Variants in WDR47 observed in about 807,000 individuals in gnomAD.
The protein encoded by WDR47 is WD repeat domain 47, also known as WD repeat-containing protein 47.
Under a neutral mutation model 97.2 loss-of-function variants are expected in WDR47, and 32 were observed. That is an observed-to-expected ratio of 0.33 (90% CI 0.25 to 0.44). The LOEUF (loss-of-function observed/expected upper bound fraction) is 0.44, where lower values mean the gene tolerates loss of function less well. WDR47 is among the 20% of genes least tolerant of loss of function. The pLI is 1.00. For missense variants in WDR47, 782 were observed against 1,102.3 expected (o/e 0.71, Z 4.11); for synonymous variants, 375 against 373.5 (o/e 1.00, Z -0.05).
chr1:108,991,433 T>C, intron 8 of WDR47, 104 bp from the exon 9 acceptor site: 1 of 922,378 alleles, frequency 1.1e-6, no homozygotes, highest in Non-Finnish European at 1.7e-6. Context: ...CAAACAATCC[T>C]AGCTGACTCC....
At chr1:108,987,094 C>A in intron 9 of WDR47, 1 of 190,158 alleles carries the variant, frequency 5.3e-6, no homozygotes, top group South Asian at 1.3e-4. Context: ...ACCCATGTTT[C>A]TCTAAGCTTC....
intron 2 of WDR47, among the ~76,000 whole-genome samples, chr1:109,021,797 G>A (rs183930129): frequency 6.6e-6 from 1 of 151,992 alleles, no homozygotes; most frequent in East Asian, 1.9e-4. Flanking sequence ...AAAGTGCTGG[G>A]ATTACAGGCG....
intron 9 of WDR47, among the ~76,000 whole-genome samples, chr1:108,988,541 G>A (rs753454823): frequency 6.6e-5 from 10 of 151,836 alleles, no homozygotes; most frequent in Non-Finnish European, 8.8e-5. Context: ...AATTAGCCGG[G>A]TGTGGTGGCG....
chr1:109,006,946 T>C (rs946870328), intron 5 of WDR47, among the ~76,000 whole-genome samples: 1 of 150,176 alleles, frequency 6.7e-6, no homozygotes, highest in Non-Finnish European at 1.5e-5. Flanking sequence ...AAAAAAAAAA[T>C]TTTTTTTTTG....
At chr1:109,015,387 G>C (rs1319237086) in intron 3 of WDR47, among the ~76,000 whole-genome samples, 2 of 152,080 alleles carry the variant, frequency 1.3e-5, no homozygotes, top group Non-Finnish European at 2.9e-5. Flanking sequence ...GCAGTGGCAC[G>C]ATCTCGGCTC....
chr1:109,028,455 A>G, intron 1 of WDR47, among the ~76,000 whole-genome samples: 1 of 137,470 alleles, frequency 7.3e-6, no homozygotes, highest in Admixed American at 8.0e-5. Context: ...CAAGCAATCC[A>G]CCCGCCTCGA....
intron 9 of WDR47, among the ~76,000 whole-genome samples, chr1:108,987,660 G>A (rs1301605770): frequency 6.6e-6 from 1 of 151,792 alleles, no homozygotes; most frequent in Non-Finnish European, 1.5e-5. Flanking sequence ...TAGAGACAGG[G>A]TTTCACTGTG....
Position 108,971,702 on chromosome 1 carries a change from G to T in WDR47, c.2618-130C>A, listed in dbSNP as rs559166715. On this transcript the variant is annotated intron_variant, in intron 14 of 14. Coordinates refer to ENST00000369962, the MANE Select transcript of WDR47 (RefSeq NM_001142551.2). ...CTACATTAATATAATACATTGAAAG[G>T]TTTATACAGGGATAAATTACTACCT... is the stretch of plus-strand genomic sequence containing the variant. 3 of 989,778 alleles carry T rather than the reference G, an allele frequency of 3.0e-6. No individual in the cohort carries two copies. In the South Asian group the frequency reaches 5.6e-5, roughly 18 times the overall value. The allele number at this position is 989,778 out of a possible 1,614,324, so 61.3% of individuals were successfully genotyped here. A position where few individuals can be genotyped will look rare whatever the true frequency, so the allele number is the denominator to read the frequency against.
intron 14 of WDR47, among the ~76,000 whole-genome samples, chr1:108,972,043 C>T (rs1315326653): frequency 6.6e-6 from 1 of 152,096 alleles, no homozygotes; most frequent in South Asian, 2.1e-4. Context: ...AGACTAGTAT[C>T]CAAATAGTCA....
Position 109,011,708 on chromosome 1 carries a change from G to A in WDR47, c.338C>T (p.Thr113Ile). The A allele has an allele frequency of 1.3e-6, 2 of 1,571,062 alleles. No homozygotes were observed. The highest frequency in any genetic ancestry group is 2.3e-5 in the East Asian group (1 of 43,392). ...TAAACATTGCACAGCTTCTTGCATG[G>A]TAAATTCCAGCTGTAAGAAAAATAT... is the stretch of plus-strand genomic sequence containing the variant. ...AEDEPQHLEF[T>I]MQEAVQCLHA... The change falls in exon 5 of 15, where the codon ACC (threonine) becomes ATC (isoleucine). Residue 113 changes from threonine to isoleucine, a missense_variant. Coordinates refer to ENST00000369962, the MANE Select transcript of WDR47 (RefSeq NM_001142551.2).
intron 1 of WDR47, among the ~76,000 whole-genome samples, chr1:109,038,174 T>A (rs952243354): frequency 1.3e-5 from 2 of 152,088 alleles, no homozygotes; most frequent in Non-Finnish European, 1.5e-5. Context: ...GATGTTGACT[T>A]GTAAAATGAG....
chr1:108,996,021 A>T (rs554160679), intron 7 of WDR47, among the ~76,000 whole-genome samples, 184 bp from the exon 8 acceptor site: 2 of 152,268 alleles, frequency 1.3e-5, no homozygotes, highest in South Asian at 4.1e-4. Context: ...GAAGATCCAC[A>T]TTTTCCCATA....
At chr1:108,990,996 T>C (rs917546548) in intron 9 of WDR47, among the ~76,000 whole-genome samples, 1 of 151,650 alleles carries the variant, frequency 6.6e-6, no homozygotes, top group Non-Finnish European at 1.5e-5. Context: ...GTGGGGTTTT[T>C]TTTTGTTTTT....
intron 1 of WDR47, among the ~76,000 whole-genome samples, chr1:109,036,185 T>C (rs1571266469): frequency 6.6e-6 from 1 of 152,206 alleles, no homozygotes; most frequent in South Asian, 2.1e-4. Context: ...GTCTAATCGA[T>C]CCTTACAAAA....
chr1:108,975,604 G>C (rs753167658), intron 13 of WDR47, among the ~76,000 whole-genome samples: 6 of 151,490 alleles, frequency 4.0e-5, no homozygotes, highest in Admixed American at 1.3e-4. Flanking sequence ...CTGGGCGACA[G>C]AGCGAGACTC....
At chr1:109,013,949 A>G (rs1661223909) in intron 3 of WDR47, 24 bp from the exon 4 acceptor site, 1 of 1,542,348 alleles carries the variant, frequency 6.5e-7, no homozygotes, top group Non-Finnish European at 8.9e-7. Flanking sequence ...ATGAAGCATT[A>G]ATTTTTCCAA....
chr1:109,031,539 C>G lies in WDR47; in HGVS notation c.-9-8018G>C, dbSNP rs541613858. Among the ~76,000 whole-genome samples the G allele has an allele frequency of 2.2e-5, 3 of 138,638 alleles. 1 individual carries two copies. Among genetic ancestry groups the G allele is most frequent in the Non-Finnish European group, 4.8e-5 (3 of 62,504 alleles). The allele number at this position is 138,638 out of a possible 152,430, so 91.0% of individuals were successfully genotyped here. A position where few individuals can be genotyped will look rare whatever the true frequency, so the allele number is the denominator to read the frequency against. ...ATATAACAAACCTGTACATGTACCC[C>G]TGAACCTAAAATGAATAGGAATGGG... is the stretch of plus-strand genomic sequence containing the variant. On this transcript the variant is annotated intron_variant, in intron 1 of 14. Coordinates refer to ENST00000369962, the MANE Select transcript of WDR47 (RefSeq NM_001142551.2).
chr1:108,989,599 CTAAT>C (rs1659161480), intron 9 of WDR47, among the ~76,000 whole-genome samples: 1 of 152,192 alleles, frequency 6.6e-6, no homozygotes, highest in Non-Finnish European at 1.5e-5. Flanking sequence ...GGAAAAACGA[CTAAT>C]TAACTAAATG....
intron 3 of WDR47, among the ~76,000 whole-genome samples, chr1:109,014,725 G>A (rs1264700590): frequency 6.6e-6 from 1 of 152,130 alleles, no homozygotes; most frequent in East Asian, 1.9e-4. Context: ...ATGAGCCACT[G>A]CACCTGGTCC....
Sources: gnomAD v4.1 joint callset for allele counts (sites outside exome capture counted in the v4.1 genomes callset) on GRCh38, gnomAD v4.1.1 for gene constraint, MANE v1.5 for transcripts, NCBI Gene and HGNC (gene_info 2026-07-23, HGNC 2026-07-21) for gene names.